The following ELOVL2 variants were observed in gnomAD, a reference collection of about 807,000 sequenced individuals.
The protein encoded by ELOVL2 is very long chain fatty acid elongase 2.
ELOVL2 carries 38 observed loss-of-function variants against 37.7 expected under a neutral mutation model. That is an observed-to-expected ratio of 1.01 (90% CI 0.78 to 1.32). ELOVL2 has a LOEUF of 1.32. ELOVL2 is among the 40% of genes most tolerant of loss of function. ELOVL2 has a pLI of 0.00. For missense variants in ELOVL2, 352 were observed against 363.6 expected (o/e 0.97, Z 0.26); for synonymous variants, 115 against 122.3 (o/e 0.94, Z 0.40).
chr6:11,043,991 C>G (rs550659382), intron 1 of ELOVL2, among the ~76,000 whole-genome samples: 2 of 151,720 alleles, frequency 1.3e-5, no homozygotes, highest in Non-Finnish European at 2.9e-5. Flanking sequence ...GGAGAGGGGA[C>G]CGAGACAAAG....
intron 1 of ELOVL2, among the ~76,000 whole-genome samples, chr6:11,035,493 A>G (rs1782993183): frequency 6.6e-6 from 1 of 152,138 alleles, no homozygotes; most frequent in Non-Finnish European, 1.5e-5. Context: ...CCTCTCACTG[A>G]ATTGACTGCT....
At chr6:11,017,338 G>T (rs1170547319) in intron 1 of ELOVL2, among the ~76,000 whole-genome samples, 3 of 152,148 alleles carry the variant, frequency 2.0e-5, no homozygotes, top group African/African-American at 7.2e-5. Context: ...GGTGAGACTT[G>T]AACTACAATG....
intron 1 of ELOVL2, among the ~76,000 whole-genome samples, chr6:11,039,293 T>G (rs893581517): frequency 6.6e-6 from 1 of 152,242 alleles, no homozygotes; most frequent in Non-Finnish European, 1.5e-5. Context: ...CTTGGTCCAG[T>G]GCCTTTCGTT....
chr6:11,002,522 C>T (rs1391847405), intron 3 of ELOVL2, among the ~76,000 whole-genome samples: 1 of 152,162 alleles, frequency 6.6e-6, no homozygotes, highest in Admixed American at 6.5e-5. Context: ...AGAGAGGAGA[C>T]TGGGTGGCAA....
At chr6:11,040,914 T>C (rs918880524) in intron 1 of ELOVL2, among the ~76,000 whole-genome samples, 1 of 152,252 alleles carries the variant, frequency 6.6e-6, no homozygotes, top group African/African-American at 2.4e-5. Flanking sequence ...TCTCAGGTTC[T>C]AAACTGTCAC....
chr6:11,009,496 A>G (rs961146482), intron 2 of ELOVL2, among the ~76,000 whole-genome samples: 1 of 152,182 alleles, frequency 6.6e-6, no homozygotes, highest in African/African-American at 2.4e-5. Flanking sequence ...AGGGGGGACT[A>G]CTGTACCTTA....
chr6:11,010,876 C>A (rs1782563518), intron 1 of ELOVL2, 67 bp from the exon 2 acceptor site: 4 of 1,222,042 alleles, frequency 3.3e-6, no homozygotes, highest in Admixed American at 3.9e-5. Flanking sequence ...TCAAAACAAG[C>A]CACTACCAAC....
At chr6:11,010,922 T>C (rs1782564279) in intron 1 of ELOVL2, 113 bp from the exon 2 acceptor site, 1 of 755,404 alleles carries the variant, frequency 1.3e-6, no homozygotes, top group Non-Finnish European at 2.2e-6. Context: ...GGGTCCCAGC[T>C]TCAAGGACTT....
chr6:11,014,696 T>C (rs1466013687), intron 1 of ELOVL2, among the ~76,000 whole-genome samples: 1 of 152,104 alleles, frequency 6.6e-6, no homozygotes, highest in African/African-American at 2.4e-5. Context: ...GCAAGTAGAT[T>C]GGAGTTGGTA....
At chr6:10,997,615 G>A (rs925711014) in intron 4 of ELOVL2, among the ~76,000 whole-genome samples, 1 of 152,068 alleles carries the variant, frequency 6.6e-6, no homozygotes, top group Non-Finnish European at 1.5e-5. Context: ...TTATAGGTTT[G>A]TATGATTGTT....
chr6:11,008,081 A>C (rs1454265997), intron 2 of ELOVL2, among the ~76,000 whole-genome samples: 1 of 152,082 alleles, frequency 6.6e-6, no homozygotes, highest in African/African-American at 2.4e-5. Context: ...GGTGTGGGCA[A>C]AATCAGAAGA....
chr6:10,990,511 G>A (rs1581858753), intron 5 of ELOVL2, 69 bp from the exon 6 acceptor site: 2 of 1,441,796 alleles, frequency 1.4e-6, no homozygotes, highest in Non-Finnish European at 1.9e-6. Context: ...TGTCAAGTGA[G>A]ATTCTCTCTC....
intron 1 of ELOVL2, among the ~76,000 whole-genome samples, chr6:11,040,616 T>A (rs1783084307): frequency 6.6e-6 from 1 of 152,228 alleles, no homozygotes; most frequent in African/African-American, 2.4e-5. Context: ...ATATTTCTAT[T>A]GGACAGCAAT....
intron 1 of ELOVL2, among the ~76,000 whole-genome samples, chr6:11,032,885 G>C (rs6456805): frequency 0.083 from 12,676 of 152,140 alleles, 1,683 homozygotes; most frequent in African/African-American, 0.28. Context: ...CTAACATATG[G>C]TATTCTAACT....
At chr6:11,023,760 G>T (rs1782801835) in intron 1 of ELOVL2, among the ~76,000 whole-genome samples, 1 of 151,932 alleles carries the variant, frequency 6.6e-6, no homozygotes, top group Admixed American at 6.5e-5. Flanking sequence ...CTCTTTTCTA[G>T]GAGGTAAAGG....
At chr6:11,027,368 G>C (rs115952879) in intron 1 of ELOVL2, among the ~76,000 whole-genome samples, 1 of 152,018 alleles carries the variant, frequency 6.6e-6, no homozygotes, top group Non-Finnish European at 1.5e-5. Flanking sequence ...ATTGGCTCTC[G>C]TCATATGGGA....
At chr6:11,036,000 G>A (rs534823982) in intron 1 of ELOVL2, among the ~76,000 whole-genome samples, 5 of 152,204 alleles carry the variant, frequency 3.3e-5, no homozygotes, top group African/African-American at 7.2e-5. Context: ...TGTATTCAAC[G>A]TAGAGAGCAT....
intron 3 of ELOVL2, among the ~76,000 whole-genome samples, chr6:11,002,649 C>CT (rs1561718112): frequency 6.6e-6 from 1 of 152,198 alleles, no homozygotes; most frequent in Admixed American, 6.5e-5. Context: ...AGTGCAGATA[C>CT]GTTCTTCCTA....
At chr6:11,009,615 G>A (rs1190227802) in intron 2 of ELOVL2, among the ~76,000 whole-genome samples, 3 of 152,156 alleles carry the variant, frequency 2.0e-5, no homozygotes, top group Non-Finnish European at 2.9e-5. Flanking sequence ...GGAATTCCAG[G>A]CTCAGGGAAT....
Sources: gnomAD v4.1 joint callset for allele counts (sites outside exome capture counted in the v4.1 genomes callset) on GRCh38, gnomAD v4.1.1 for gene constraint, MANE v1.5 for transcripts, NCBI Gene and HGNC (gene_info 2026-07-23, HGNC 2026-07-21) for gene names.